The following SLC7A5 variants were observed in gnomAD, a reference collection of about 807,000 sequenced individuals.
SLC7A5 encodes large neutral amino acids transporter small subunit 1.
SLC7A5 carries 23 observed loss-of-function variants against 50.2 expected under a neutral mutation model. That is an observed-to-expected ratio of 0.46 (90% confidence interval 0.33 to 0.65). The LOEUF (loss-of-function observed/expected upper bound fraction) is 0.65, where lower values mean the gene tolerates loss of function less well. Ranked by LOEUF, SLC7A5 falls within the 30% of genes least tolerant of loss-of-function variation. The probability of loss-of-function intolerance (pLI) is 0.02; values close to 1 mark genes in which losing one functional copy is unlikely to be tolerated. For synonymous variants in SLC7A5, 393 were observed against 330.6 expected, an observed-to-expected ratio of 1.19 and a Z score of -2.05; for missense variants, 578 against 684.4, an observed-to-expected ratio of 0.84 and a Z score of 1.73.
rs1316626717 is a variant in SLC7A5 at position 87,861,004 on chromosome 16, G to C, written c.538+7881C>G. On this transcript the variant is annotated intron_variant, in intron 1 of 9. Coordinates refer to ENST00000261622, the MANE Select transcript of SLC7A5 (RefSeq NM_003486.7). The surrounding 1 kb of genome is among the most constrained non-coding windows in gnomAD (Gnocchi z 4.2). ...CAGGATTCGGCCAGTATCAGGGAAG[G>C]AGACGCTGTGGGGGGCCCTCCTGTT... 1.3e-5 allele frequency among the ~76,000 whole-genome samples: 2 copies of C among 152,248 alleles called. No homozygotes were observed. The highest frequency in any genetic ancestry group is 2.9e-5 in the Non-Finnish European group (2 of 68,036).
intron 1 of SLC7A5, among the ~76,000 whole-genome samples, chr16:87,854,861 C>T (rs948925365): frequency 6.6e-6 from 1 of 152,334 alleles, no homozygotes; most frequent in Middle Eastern, 3.4e-3. Flanking sequence ...GCCTTGGGGG[C>T]AGTGCATTGG....
intron 1 of SLC7A5, among the ~76,000 whole-genome samples, chr16:87,868,318 G>T (rs1296224609): frequency 1.3e-5 from 2 of 152,002 alleles, no homozygotes; most frequent in East Asian, 1.9e-4. Flanking sequence ...TCTCACTACT[G>T]GGAACCCTCA....
intron 9 of SLC7A5, 97 bp downstream of exon 9, chr16:87,834,317 C>A (rs2054968943): frequency 8.1e-7 from 1 of 1,237,728 alleles, no homozygotes; most frequent in African/African-American, 1.5e-5. Flanking sequence ...ACCCAACACG[C>A]TTCGCCCCAT....
At chr16:87,845,527 T>G (rs1295441643) in intron 2 of SLC7A5, among the ~76,000 whole-genome samples, 1 of 137,408 alleles carries the variant, frequency 7.3e-6, no homozygotes, top group African/African-American at 2.9e-5. Context: ...CCAGGCAGAG[T>G]CCACGCCCAC....
intron 5 of SLC7A5, 134 bp from the exon 6 acceptor site, chr16:87,838,951 G>A (rs1374194485): frequency 2.7e-6 from 2 of 728,586 alleles, no homozygotes; most frequent in Non-Finnish European, 5.0e-6. Context: ...GGACCTCTCA[G>A]GCTGGATTCT....
chr16:87,854,178 A>G, intron 1 of SLC7A5, among the ~76,000 whole-genome samples: 1 of 149,850 alleles, frequency 6.7e-6, no homozygotes, highest in Admixed American at 6.8e-5. Flanking sequence ...GGGAGGGTTC[A>G]CCAGATCATC....
chr16:87,832,932 T>C lies in SLC7A5; in HGVS notation c.*38A>G. The C allele has an allele frequency of 6.3e-7, 1 of 1,576,740 alleles. No homozygotes were observed. Among genetic ancestry groups the C allele is most frequent in the East Asian group, 2.2e-5 (1 of 44,634 alleles). On this transcript the variant is annotated 3_prime_UTR_variant, in exon 10 of 10. Transcript: ENST00000261622. This position sits in a 1 kb window ranked among gnomAD's most constrained non-coding sequence, Gnocchi z 4.6. ...AGGAGGTGATCTACTTTAACTGGCCTCTGCGCATGCTCCTCCGGCAGCCAC... is the reference window on the plus strand; with the variant it reads ...AGGAGGTGATCTACTTTAACTGGCCCCTGCGCATGCTCCTCCGGCAGCCAC...
rs149074946 is a variant in SLC7A5 at position 87,830,938 on chromosome 16, C to T, written c.*2032G>A. 2 of 152,424 alleles carry T rather than the reference C, an allele frequency of 1.3e-5. No individual in the cohort carries two copies. Among genetic ancestry groups the T allele is most frequent in the East Asian group, 3.9e-4 (2 of 5,178 alleles). The allele number at this position is 152,424 out of a possible 1,614,324, so 9.4% of individuals were successfully genotyped here. Reference sequence around the variant, plus strand: ...CTAGCCGAGGCGGGAAGGTAAGAGGCTGACGTCGTGCGTGGGCCCCGCCGG... The same window carrying T: ...CTAGCCGAGGCGGGAAGGTAAGAGGTTGACGTCGTGCGTGGGCCCCGCCGG... On this transcript the variant is annotated 3_prime_UTR_variant, in exon 10 of 10. Transcript: ENST00000261622.
chr16:87,838,655 T>C (rs2055042980), intron 6 of SLC7A5, 59 bp downstream of exon 6: 5 of 1,265,812 alleles, frequency 4.0e-6, no homozygotes, highest in South Asian at 2.4e-5. Context: ...ATGGAACATG[T>C]TGAACCTGGC....
rs1246375247 is a variant in SLC7A5, at chr16:87,832,885, G to T, written c.*85C>A. On this transcript the variant is annotated 3_prime_UTR_variant, in exon 10 of 10. Coordinates refer to ENST00000261622, the MANE Select transcript of SLC7A5 (RefSeq NM_003486.7). This position sits in a 1 kb window ranked among gnomAD's most constrained non-coding sequence, Gnocchi z 4.6. ...GGGATGGGCAGCTGAGCTGTGGGTT[G>T]CGGGGAACCGGAGTGGGTTCGAGGA... 1.8e-6 allele frequency: 2 copies of T among 1,099,458 alleles called. No homozygotes were observed. The highest frequency in any genetic ancestry group is 2.8e-6 in the Non-Finnish European group (2 of 713,852). 68.1% of individuals were successfully genotyped at this position (1,099,458 alleles called of 1,614,324 possible). A position where few individuals can be genotyped will look rare whatever the true frequency, so the allele number is the denominator to read the frequency against.
chr16:87,865,423 T>C (rs2055448280), intron 1 of SLC7A5, among the ~76,000 whole-genome samples: 1 of 152,116 alleles, frequency 6.6e-6, no homozygotes, highest in Non-Finnish European at 1.5e-5. Context: ...GGAAAGCTAT[T>C]TTAGGCCAGG....
At position 87,869,392 on chromosome 16, in the gene SLC7A5, G is replaced by C. The variant is rs1299676066; in HGVS notation, c.31C>G (p.Leu11Val). ...TTCTCCTCGGCCGCCGGCGCCGCTAGCGCGCGCCGCTTCGGGCCCGCACCC... is the reference window on the plus strand; with the variant it reads ...TTCTCCTCGGCCGCCGGCGCCGCTACCGCGCGCCGCTTCGGGCCCGCACCC... MAGAGPKRRALAAPAAEEKEE... is the reference protein window; with the variant it reads MAGAGPKRRAVAAPAAEEKEE... The change falls in exon 1 of 10, where the codon CTA becomes GTA. Residue 11 changes from leucine (L) to valine (V), a missense_variant. Transcript: ENST00000261622. 14 of 1,561,070 alleles carry C rather than the reference G, an allele frequency of 9.0e-6. No individual in the cohort carries two copies. Among genetic ancestry groups the C allele is most frequent in the Non-Finnish European group, 1.2e-5 (14 of 1,159,664 alleles).
In SLC7A5 at chr16:87,861,183, G is replaced by A. The variant is rs2055393331; in HGVS notation, c.538+7702C>T. Among the ~76,000 whole-genome samples the A allele has an allele frequency of 6.6e-6, 1 of 152,196 alleles. No homozygotes were observed. The highest frequency in any genetic ancestry group is 2.4e-5 in the African/African-American group (1 of 41,442). On this transcript the variant is annotated intron_variant, in intron 1 of 9. Transcript: ENST00000261622. The surrounding 1 kb of genome is among the most constrained non-coding windows in gnomAD (Gnocchi z 4.2). ...GCCAGCTATCCAGGTGATGCTCCAG[G>A]GAGGGCCAGGCCTACTGGGGGGCAG...
intron 2 of SLC7A5, among the ~76,000 whole-genome samples, chr16:87,847,179 AG>A (rs1488751920): frequency 6.6e-6 from 1 of 152,182 alleles, no homozygotes; most frequent in African/African-American, 2.4e-5. Flanking sequence ...GCCACAGCCC[AG>A]GGGGGCTTCT....
In SLC7A5 at chr16:87,869,308, C is replaced by T. The variant is rs1425001084; in HGVS notation, c.115G>A (p.Gly39Ser). The change falls in exon 1 of 10, where the codon GGC (glycine) becomes AGC (serine). Residue 39 changes from glycine to serine, a missense_variant. Coordinates refer to ENST00000261622, the MANE Select transcript of SLC7A5 (RefSeq NM_003486.7). ...AKSADGSAPA[G>S]EGEGVTLQRN... The stretch of plus-strand genomic sequence containing the variant: ...TGCAGGGTCACGCCCTCGCCCTCGC[C>T]TGCCGGCGCCGAGCCGTCCGCGCTC... 6.2e-7 allele frequency: 1 copy of T among 1,611,100 alleles called. No individual in the cohort carries two copies. The highest frequency in any genetic ancestry group is 1.3e-5 in the African/African-American group (1 of 74,890).
rs1223358120 is a variant in SLC7A5 at position 87,860,259 on chromosome 16, G to A, written c.539-8410C>T. ...AAGGCAGGAGAATCACTTGAACCCA[G>A]GAGGCGGAGGTTGCAGTGAACTGAG... On this transcript the variant is annotated intron_variant, in intron 1 of 9. Coordinates refer to ENST00000261622, the MANE Select transcript of SLC7A5 (RefSeq NM_003486.7). This position sits in a 1 kb window ranked among gnomAD's most constrained non-coding sequence, Gnocchi z 4.8. Among the ~76,000 whole-genome samples, 1 of 150,422 alleles carries A rather than the reference G, an allele frequency of 6.6e-6. No individual in the cohort carries two copies. The highest frequency in any genetic ancestry group is 1.5e-5 in the Non-Finnish European group (1 of 67,726).
chr16:87,845,725 C>A (rs2055145627), intron 2 of SLC7A5, among the ~76,000 whole-genome samples: 1 of 152,160 alleles, frequency 6.6e-6, no homozygotes, highest in African/African-American at 2.4e-5. Flanking sequence ...AAGGAGTGGG[C>A]CCTTTGCTTA....
At chr16:87,845,556 A>G (rs1217627811) in intron 2 of SLC7A5, among the ~76,000 whole-genome samples, 1 of 139,166 alleles carries the variant, frequency 7.2e-6, no homozygotes, top group Non-Finnish European at 1.5e-5. Flanking sequence ...GTCCACGCCC[A>G]CCCTAGGCCA....
intron 8 of SLC7A5, among the ~76,000 whole-genome samples, chr16:87,835,853 A>G (rs1180585238): frequency 2.0e-5 from 3 of 152,222 alleles, no homozygotes; most frequent in Admixed American, 2.0e-4. Context: ...TGGTCCGGGC[A>G]GGGAAGCAGG....
Sources: allele counts gnomAD v4.1 joint callset (sites outside exome capture counted in the v4.1 genomes callset), GRCh38; gene constraint gnomAD v4.1.1; non-coding constraint Gnocchi (gnomAD v3.1); transcripts MANE v1.5; gene names NCBI Gene and HGNC (gene_info 2026-07-23, HGNC 2026-07-21).